TMEM200A: variants seen among roughly 807,000 people sequenced by gnomAD.
TMEM200A encodes the protein transmembrane protein 200A.
Under a neutral mutation model 24.3 loss-of-function variants are expected in TMEM200A, and 12 were observed. The ratio of observed to expected loss-of-function variants is 0.49; its 90% CI spans 0.32 to 0.80. The LOEUF (loss-of-function observed/expected upper bound fraction) is 0.80, where lower values mean the gene tolerates loss of function less well. Among genes scored for constraint, TMEM200A ranks in the 30% least tolerant of loss-of-function variants. The pLI is 0.04. For missense variants in TMEM200A, 545 were observed against 614.4 expected (o/e 0.89, Z 1.19); for synonymous variants, 224 against 224.4 (o/e 1.00, Z 0.02).
At chr6:130,395,782 G>A (rs1035688257) in intron 2 of TMEM200A, among the ~76,000 whole-genome samples, 56 of 152,166 alleles carry the variant, frequency 3.7e-4, no homozygotes, top group African/African-American at 1.3e-3. Context: ...ATTCAAGGTG[G>A]ATCAAAGTCG....
intron 2 of TMEM200A, among the ~76,000 whole-genome samples, chr6:130,391,773 CG>C (rs1317203399): frequency 8.0e-6 from 1 of 125,364 alleles, no homozygotes; most frequent in Admixed American, 1.0e-4. Flanking sequence ...GACAGAGTCT[CG>C]CTCTGTCGCC....
At chr6:130,371,684 C>A (rs1163095659) in intron 1 of TMEM200A, among the ~76,000 whole-genome samples, 1 of 152,156 alleles carries the variant, frequency 6.6e-6, no homozygotes, top group Non-Finnish European at 1.5e-5. Context: ...ATATCACATG[C>A]ATCCATTCTG....
At chr6:130,379,990 T>C (rs1778556985) in intron 1 of TMEM200A, among the ~76,000 whole-genome samples, 2 of 152,286 alleles carry the variant, frequency 1.3e-5, no homozygotes, top group African/African-American at 4.8e-5. Flanking sequence ...AGCTACGTGA[T>C]ATTAGCAATA....
At chr6:130,412,639 C>T (rs1168013422) in intron 2 of TMEM200A, among the ~76,000 whole-genome samples, 1 of 152,182 alleles carries the variant, frequency 6.6e-6, no homozygotes, top group Non-Finnish European at 1.5e-5. Flanking sequence ...CCTTCTCATG[C>T]TAGCCAAGCC....
At chr6:130,385,314 T>G (rs1300866567) in intron 2 of TMEM200A, 78 bp downstream of exon 2, 2 of 152,230 alleles carry the variant, frequency 1.3e-5, no homozygotes, top group Non-Finnish European at 2.9e-5. Context: ...ATGATTTTTT[T>G]GTAATGAGTT....
intron 1 of TMEM200A, among the ~76,000 whole-genome samples, chr6:130,380,183 TGTCA>T (rs1428214039): frequency 3.3e-5 from 5 of 152,228 alleles, no homozygotes; most frequent in African/African-American, 9.6e-5. Context: ...TTGTTGATAC[TGTCA>T]GAACAGAATA....
intron 2 of TMEM200A, among the ~76,000 whole-genome samples, chr6:130,431,116 A>G (rs909062511): frequency 6.6e-6 from 1 of 152,186 alleles, no homozygotes; most frequent in Non-Finnish European, 1.5e-5. Flanking sequence ...AAGATATTTA[A>G]TAGTACATGG....
intron 2 of TMEM200A, among the ~76,000 whole-genome samples, chr6:130,403,540 A>C (rs1225267678): frequency 8.0e-6 from 1 of 124,236 alleles, no homozygotes; most frequent in East Asian, 2.0e-4. Context: ...TGAATGAAAA[A>C]TTTATATTTG....
At chr6:130,378,374 G>A (rs985420126) in intron 1 of TMEM200A, among the ~76,000 whole-genome samples, 28 of 151,154 alleles carry the variant, frequency 1.9e-4, no homozygotes, top group Admixed American at 9.3e-4. Context: ...GCCTGATAGG[G>A]CCTGAACTCA....
intron 1 of TMEM200A, chr6:130,381,941 T>A: frequency 4.1e-6 from 4 of 985,472 alleles, no homozygotes; most frequent in Non-Finnish European, 4.8e-6. Flanking sequence ...TTCCGTTCAC[T>A]CCAGAACACA....
intron 2 of TMEM200A, among the ~76,000 whole-genome samples, chr6:130,394,685 T>A (rs1379179528): frequency 6.6e-6 from 1 of 152,212 alleles, no homozygotes; most frequent in African/African-American, 2.4e-5. Context: ...AAAAGGTACA[T>A]ACAAAGCACT....
At chr6:130,367,518 T>C (rs1341510210) in intron 1 of TMEM200A, among the ~76,000 whole-genome samples, 1 of 152,234 alleles carries the variant, frequency 6.6e-6, no homozygotes, top group African/African-American at 2.4e-5. Flanking sequence ...GTTTCTTGAA[T>C]TATGGAACAC....
intron 2 of TMEM200A, chr6:130,438,324 A>G (rs973293656): frequency 6.6e-6 from 1 of 152,210 alleles, no homozygotes; most frequent in East Asian, 1.9e-4. Flanking sequence ...GTAGATAACA[A>G]CCACAAGCCT....
At chr6:130,421,571 CTT>C (rs1037961633) in intron 2 of TMEM200A, among the ~76,000 whole-genome samples, 28 of 151,076 alleles carry the variant, frequency 1.9e-4, no homozygotes, top group African/African-American at 6.3e-4. Flanking sequence ...AAGATCTACT[CTT>C]AGCAAATTTT....
intron 2 of TMEM200A, among the ~76,000 whole-genome samples, chr6:130,425,385 A>G (rs947718690): frequency 1.3e-5 from 2 of 152,210 alleles, no homozygotes; most frequent in Admixed American, 1.3e-4. Context: ...ACCAATTATC[A>G]ACATCGTTCT....
At position 130,441,794 on chromosome 6, in the gene TMEM200A, G is replaced by T; in HGVS notation, c.1372G>T (p.Glu458Ter). Residue 458 changes from glutamate to a stop codon, truncating the protein, a stop_gained, in exon 3 of 3, where the codon GAG becomes TAG. Transcript: ENST00000296978. LOFTEE classifies it high-confidence loss of function. ...VAIKKDFTNK[E>*]KLLMISRSHN... ...CATCAAAAAGGACTTTACCAATAAGGAGAAGCTTCTTATGATTTCAAGATC... is the reference window on the plus strand; with the variant it reads ...CATCAAAAAGGACTTTACCAATAAGTAGAAGCTTCTTATGATTTCAAGATC... 1 of 1,614,054 alleles carries T rather than the reference G, an allele frequency of 6.2e-7. No homozygotes were observed. Among genetic ancestry groups the T allele is most frequent in the Non-Finnish European group, 8.5e-7 (1 of 1,179,986 alleles).
At chr6:130,383,683 A>G (rs988060727) in intron 1 of TMEM200A, among the ~76,000 whole-genome samples, 1 of 152,212 alleles carries the variant, frequency 6.6e-6, no homozygotes, top group Non-Finnish European at 1.5e-5. Flanking sequence ...ATATGAAGAC[A>G]TGGTGAATAC....
intron 1 of TMEM200A, among the ~76,000 whole-genome samples, chr6:130,375,227 G>C (rs766782449): frequency 1.3e-5 from 2 of 152,098 alleles, no homozygotes; most frequent in Non-Finnish European, 2.9e-5. Flanking sequence ...CATTCAGCAG[G>C]TGCTGTTAAA....
At chr6:130,404,888 G>A (rs543519649) in intron 2 of TMEM200A, among the ~76,000 whole-genome samples, 15 of 152,110 alleles carry the variant, frequency 9.9e-5, no homozygotes, top group Middle Eastern at 3.4e-3. Flanking sequence ...ATGACTAGCC[G>A]GTTACCCCAG....
Sources: gnomAD v4.1 joint callset for allele counts (sites outside exome capture counted in the v4.1 genomes callset) on GRCh38, gnomAD v4.1.1 for gene constraint, MANE v1.5 for transcripts, NCBI Gene and HGNC (gene_info 2026-07-23, HGNC 2026-07-21) for gene names.